Variants in RPL6 observed in about 807,000 individuals in gnomAD.
The protein encoded by RPL6 is large ribosomal subunit protein eL6.
Under a neutral mutation model 32.1 loss-of-function variants are expected in RPL6, and 1 was observed. That is an observed-to-expected ratio of 0.03 (90% CI 0.01 to 0.15). RPL6 has a LOEUF of 0.15. RPL6 is among the 10% of genes least tolerant of loss of function. The pLI, the probability that RPL6 is intolerant of heterozygous loss-of-function variation, is 1.00. For missense variants in RPL6, 275 were observed against 354.6 expected (o/e 0.78, Z 1.80); for synonymous variants, 126 against 131.6 (o/e 0.96, Z 0.29).
intron 3 of RPL6, 39 bp downstream of exon 3, chr12:112,408,201 C>A: frequency 1.4e-6 from 2 of 1,432,300 alleles, no homozygotes; most frequent in Non-Finnish European, 2.0e-6. Context: ...AGTATTCAAG[C>A]ATAAACAGAA....
upstream of RPL6, among the ~76,000 whole-genome samples, chr12:112,414,179 C>A (rs180828522): frequency 1.2e-4 from 19 of 152,330 alleles, no homozygotes; most frequent in Admixed American, 1.2e-3. Context: ...CAAGAAACAG[C>A]TAGAAGCCTT....
rs778211302 is a variant in RPL6 at position 112,408,236 on chromosome 12, T to C, written c.336+4A>G. ...AAATCCAATTTACAGTCCCCACATC[T>C]TACCATTTTGCGAAGTTTAACCACC... is the stretch of plus-strand genomic sequence containing the variant. On this transcript the variant is annotated splice_donor_region_variant and intron_variant, in intron 3 of 6. Coordinates refer to ENST00000202773, the MANE Select transcript of RPL6 (RefSeq NM_000970.6). 10 of 1,611,514 alleles carry C rather than the reference T, an allele frequency of 6.2e-6. No individual in the cohort carries two copies. Among genetic ancestry groups the C allele is most frequent in the South Asian group, 1.1e-5 (1 of 91,014 alleles).
intron 1 of RPL6, among the ~76,000 whole-genome samples, chr12:112,416,489 T>A (rs2037412104): frequency 6.6e-6 from 1 of 152,160 alleles, no homozygotes; most frequent in Non-Finnish European, 1.5e-5. Context: ...TTGGCCAGGC[T>A]GGTCTCAAAC....
chr12:112,406,534 G>T (rs2037173715), intron 4 of RPL6, 192 bp from the exon 5 acceptor site: 1 of 816,854 alleles, frequency 1.2e-6, no homozygotes, highest in Non-Finnish European at 1.9e-6. Context: ...TTGAGTAAAT[G>T]AACATGTGTA....
At chr12:112,411,665 T>C (rs1330215947), upstream of RPL6, among the ~76,000 whole-genome samples, 1 of 152,200 alleles carries the variant, frequency 6.6e-6, no homozygotes, top group Admixed American at 6.5e-5. Flanking sequence ...CCCCAAAATA[T>C]GTGTTGAATG....
At chr12:112,416,602 C>T (rs4529935) in intron 1 of RPL6, among the ~76,000 whole-genome samples, 146 of 150,520 alleles carry the variant, frequency 9.7e-4, no homozygotes, top group Middle Eastern at 3.4e-3. Flanking sequence ...TTAGTAGAGA[C>T]GAGGGTTCAC....
At chr12:112,405,584 T>C (rs933730683) in intron 6 of RPL6, 10 of 637,366 alleles carry the variant, frequency 1.6e-5, no homozygotes, top group Non-Finnish European at 2.4e-5. Context: ...TTGTATACTT[T>C]AGGACACATC....
rs2135800330 is a variant in RPL6 at position 112,408,269 on chromosome 12, C to T, written c.307G>A (p.Gly103Ser). ...TKPVGGDKNG[G>S]TRVVKLRKMP... Reference sequence around the variant, plus strand: ...TTGCGAAGTTTAACCACCCGGGTACCGCCGTTCTTGTCACCACCAACTGGT... The same window carrying T: ...TTGCGAAGTTTAACCACCCGGGTACTGCCGTTCTTGTCACCACCAACTGGT... Residue 103 changes from glycine (G) to serine (S), a missense_variant, in exon 3 of 7, where the codon GGT becomes AGT. By Grantham distance (56) the Gly-to-Ser change is moderately conservative. Transcript: ENST00000202773. 2 of 1,614,140 alleles carry T rather than the reference C, an allele frequency of 1.2e-6. No homozygotes were observed. Among genetic ancestry groups the T allele is most frequent in the Non-Finnish European group, 1.7e-6 (2 of 1,180,012 alleles).
intron 1 of RPL6, among the ~76,000 whole-genome samples, chr12:112,416,992 TGAG>T (rs1207440491): frequency 3.9e-5 from 6 of 152,150 alleles, no homozygotes; most frequent in Non-Finnish European, 8.8e-5. Flanking sequence ...ATTAAAAAAA[TGAG>T]GATTTTGGAG....
chr12:112,412,556 C>A (rs1352586113), upstream of RPL6, among the ~76,000 whole-genome samples: 1 of 151,718 alleles, frequency 6.6e-6, no homozygotes, highest in African/African-American at 2.4e-5. Context: ...CTCACTGCAG[C>A]CTTGACCTCC....
chr12:112,410,920 G>C (rs2037334584), upstream of RPL6, among the ~76,000 whole-genome samples: 2 of 152,108 alleles, frequency 1.3e-5, no homozygotes, highest in Non-Finnish European at 2.9e-5. Flanking sequence ...ACAATCATCT[G>C]ATCATCAACA....
At chr12:112,406,555 C>T in intron 4 of RPL6, 192 bp downstream of exon 4, 1 of 856,344 alleles carries the variant, frequency 1.2e-6, no homozygotes, top group South Asian at 1.8e-5. Flanking sequence ...ACATAATCAA[C>T]AGCAGGAAAT....
intron 4 of RPL6, 120 bp from the exon 5 acceptor site, chr12:112,406,462 C>T (rs1029570906): frequency 8.7e-6 from 8 of 918,024 alleles, no homozygotes; most frequent in South Asian, 1.6e-5. Context: ...GTATACAGCT[C>T]GGCAGTTCTG....
At chr12:112,405,690 G>A in intron 6 of RPL6, 163 bp downstream of exon 6, 2 of 673,130 alleles carry the variant, frequency 3.0e-6, no homozygotes, top group Non-Finnish European at 4.9e-6. Flanking sequence ...CTCCCAGACT[G>A]CCAAAAGAAC....
upstream of RPL6, among the ~76,000 whole-genome samples, chr12:112,412,472 G>T (rs1210152782): frequency 6.6e-6 from 1 of 150,982 alleles, no homozygotes; most frequent in Non-Finnish European, 1.5e-5. Context: ...ACCTCGCCCA[G>T]CCTAATTTTT....
At position 112,408,667 on chromosome 12, in the gene RPL6, T is replaced by A. The variant is rs1307600576; in HGVS notation, c.1-11A>T. 1 of 1,560,474 alleles carries A rather than the reference T, an allele frequency of 6.4e-7. No homozygotes were observed. Among genetic ancestry groups the A allele is most frequent in the Admixed American group, 2.0e-5 (1 of 49,152 alleles). On this transcript the variant is annotated splice_polypyrimidine_tract_variant and intron_variant, in intron 1 of 6. Coordinates refer to ENST00000202773, the MANE Select transcript of RPL6 (RefSeq NM_000970.6). ...TTTTTCACCCGCCATCTAAAAATAT[T>A]TTTTTGTAGATAAAAAAAGGCATTT...
chr12:112,408,286 C>A lies in RPL6; in HGVS notation c.290G>T (p.Gly97Val). The change falls in exon 3 of 7, where the codon GGT becomes GTT. Residue 97 changes from glycine (G) to valine (V), a missense_variant. Physicochemically the swap from Gly to Val is moderately radical, Grantham distance 109. Transcript: ENST00000202773. ...CCGGGTACCGCCGTTCTTGTCACCA[C>A]CAACTGGTTTTGTAACAGTTGCGAG... ...KVLATVTKPV[G>V]GDKNGGTRVV... is the part of the protein sequence containing the mutation. 6.2e-7 allele frequency: 1 copy of A among 1,614,232 alleles called. No individual in the cohort carries two copies. The highest frequency in any genetic ancestry group is 8.5e-7 in the Non-Finnish European group (1 of 1,180,050).
intron 1 of RPL6, among the ~76,000 whole-genome samples, chr12:112,416,143 T>A (rs1594116225): frequency 7.4e-6 from 1 of 135,466 alleles, no homozygotes; most frequent in East Asian, 2.1e-4. Context: ...ATTTTTTTTT[T>A]TTTTTTTTTT....
At chr12:112,407,967 G>C in intron 3 of RPL6, 1 of 387,282 alleles carries the variant, frequency 2.6e-6, no homozygotes, top group East Asian at 5.6e-5. Flanking sequence ...TGATCTGCTC[G>C]CCTCAGCCTC....
Sources: gnomAD v4.1 joint callset for allele counts (sites outside exome capture counted in the v4.1 genomes callset) on GRCh38, gnomAD v4.1.1 for gene constraint, MANE v1.5 for transcripts, NCBI Gene and HGNC (gene_info 2026-07-23, HGNC 2026-07-21) for gene names.